ERBB4: variants seen among roughly 807,000 people sequenced by gnomAD.
ERBB4 encodes the protein erb-b2 receptor tyrosine kinase 4, also known as receptor tyrosine-protein kinase erbB-4.
ERBB4 carries 42 observed loss-of-function variants against 158.0 expected under a neutral mutation model. That is an observed-to-expected ratio of 0.27 (90% CI 0.21 to 0.34). The LOEUF (loss-of-function observed/expected upper bound fraction) is 0.34, where lower values mean the gene tolerates loss of function less well. ERBB4 is among the 10% of genes least tolerant of loss of function. The probability of loss-of-function intolerance (pLI) is 1.00; values close to 1 mark genes in which losing one functional copy is unlikely to be tolerated. For missense variants in ERBB4, 1,333 were observed against 1,624.1 expected (o/e 0.82, Z 3.08); for synonymous variants, 583 against 558.7 (o/e 1.04, Z -0.61).
chr2:211,802,384 C>T (rs1438704164), intron 3 of ERBB4, among the ~76,000 whole-genome samples: 1 of 152,084 alleles, frequency 6.6e-6, no homozygotes, highest in Non-Finnish European at 1.5e-5. Flanking sequence ...CAATTAATGA[C>T]ATCACAAGAA....
At chr2:212,212,022 T>C (rs988230149) in intron 1 of ERBB4, among the ~76,000 whole-genome samples, 3 of 152,154 alleles carry the variant, frequency 2.0e-5, no homozygotes, top group Admixed American at 1.3e-4. Flanking sequence ...GCAATAAACA[T>C]ACATGTGCAT....
chr2:212,101,402 G>GT (rs1317754227), intron 2 of ERBB4, among the ~76,000 whole-genome samples: 1 of 136,902 alleles, frequency 7.3e-6, no homozygotes, highest in Non-Finnish European at 1.6e-5. Context: ...ACATAGAAAA[G>GT]ACAAAATTTT....
At chr2:211,571,072 C>G (rs1283265241) in intron 19 of ERBB4, among the ~76,000 whole-genome samples, 1 of 105,406 alleles carries the variant, frequency 9.5e-6, no homozygotes, top group Non-Finnish European at 1.7e-5. Flanking sequence ...GAGACGGAGT[C>G]TTGCTCTGTC....
chr2:212,401,589 T>G (rs890599922), intron 1 of ERBB4, among the ~76,000 whole-genome samples: 6 of 152,120 alleles, frequency 3.9e-5, no homozygotes, highest in African/African-American at 1.4e-4. Flanking sequence ...AATAAATAAA[T>G]GAAATAAGCT....
chr2:211,626,460 A>T (rs1408349368), intron 17 of ERBB4, among the ~76,000 whole-genome samples: 2 of 152,176 alleles, frequency 1.3e-5, no homozygotes, highest in Admixed American at 6.5e-5. Context: ...TTCAGTATTT[A>T]AAGATTTAAA....
intron 20 of ERBB4, among the ~76,000 whole-genome samples, chr2:211,436,104 G>A (rs1421563289): frequency 6.6e-6 from 1 of 152,132 alleles, no homozygotes; most frequent in African/African-American, 2.4e-5. Flanking sequence ...TTACAGGCAT[G>A]AGCCACTGCA....
Position 212,200,489 on chromosome 2 carries a change from TATTA to T in ERBB4, c.83-75590_83-75587del, listed in dbSNP as rs201566333. 4.7e-3 allele frequency among the ~76,000 whole-genome samples: 714 copies of T among 152,282 alleles called. 18 individuals are homozygous for T. Among genetic ancestry groups the T allele is most frequent in the Admixed American group, 0.043 (662 of 15,290 alleles). ...TCAGTACTACTTAACAGGAAAGCTGTATTAATTAAAGTTAAGCACTCATAGTATT... is the reference window on the plus strand; with the variant it reads ...TCAGTACTACTTAACAGGAAAGCTGTATTAAAGTTAAGCACTCATAGTATT... On this transcript the variant is annotated intron_variant, in intron 1 of 27. Transcript: ENST00000342788.
At chr2:211,640,740 G>C (rs1233074169) in intron 16 of ERBB4, among the ~76,000 whole-genome samples, 1 of 152,170 alleles carries the variant, frequency 6.6e-6, no homozygotes, top group Admixed American at 6.6e-5. Flanking sequence ...TAGTTTAGCT[G>C]ACTGTTTTAA....
intron 1 of ERBB4, among the ~76,000 whole-genome samples, chr2:212,252,392 G>A (rs1217722461): frequency 1.3e-5 from 2 of 152,020 alleles, no homozygotes; most frequent in Non-Finnish European, 2.9e-5. Flanking sequence ...TCAAAAAGAA[G>A]AGAATGACCG....
At chr2:211,641,062 T>G (rs1228882842) in intron 16 of ERBB4, among the ~76,000 whole-genome samples, 1 of 152,210 alleles carries the variant, frequency 6.6e-6, no homozygotes, top group African/African-American at 2.4e-5. Flanking sequence ...TACAATTTCT[T>G]TACATATTTG....
intron 1 of ERBB4, among the ~76,000 whole-genome samples, chr2:212,258,083 CTATT>C (rs1160999338): frequency 1.3e-5 from 2 of 152,102 alleles, no homozygotes; most frequent in South Asian, 2.1e-4. Flanking sequence ...GTGTACAAAA[CTATT>C]TATAGGAATG....
At chr2:212,090,435 G>T (rs1238698997) in intron 2 of ERBB4, among the ~76,000 whole-genome samples, 1 of 152,038 alleles carries the variant, frequency 6.6e-6, no homozygotes, top group Non-Finnish European at 1.5e-5. Context: ...AACTGTTTCA[G>T]TCTTTAATAT....
intron 1 of ERBB4, among the ~76,000 whole-genome samples, chr2:212,350,558 A>T (rs2089208775): frequency 6.6e-6 from 1 of 152,198 alleles, no homozygotes; most frequent in Non-Finnish European, 1.5e-5. Flanking sequence ...TAAGACAAAG[A>T]CATTAAGATT....
intron 20 of ERBB4, among the ~76,000 whole-genome samples, chr2:211,540,188 T>TTATATATATATATA (rs571359851): frequency 2.1e-5 from 3 of 143,916 alleles, no homozygotes; most frequent in African/African-American, 7.5e-5. Context: ...CCTACATGAT[T>TTATATATATATATA]TATATATATA....
chr2:212,459,216 G>C (rs1688454576), intron 1 of ERBB4, among the ~76,000 whole-genome samples: 2 of 151,588 alleles, frequency 1.3e-5, no homozygotes, highest in Non-Finnish European at 2.9e-5. Context: ...TTATTTTATA[G>C]TATTAGATGT....
intron 25 of ERBB4, among the ~76,000 whole-genome samples, chr2:211,418,111 T>TATCA (rs2063434079): frequency 1.3e-5 from 2 of 152,080 alleles, no homozygotes; most frequent in African/African-American, 4.8e-5. Context: ...TTTCAAAGTC[T>TATCA]ATCACATATG....
intron 1 of ERBB4, among the ~76,000 whole-genome samples, chr2:212,247,632 T>C (rs191225490): frequency 2.7e-3 from 408 of 152,308 alleles, no homozygotes; most frequent in Non-Finnish European, 3.6e-3. Context: ...AACTAGTTTG[T>C]TTTCTCATTT....
chr2:212,127,396 T>G (rs1232611050), intron 1 of ERBB4, among the ~76,000 whole-genome samples: 1 of 152,108 alleles, frequency 6.6e-6, no homozygotes, highest in Non-Finnish European at 1.5e-5. Context: ...ATCGAGACCA[T>G]CCTGGTCAAC....
intron 2 of ERBB4, among the ~76,000 whole-genome samples, chr2:211,971,719 T>C (rs1269608384): frequency 1.3e-5 from 2 of 152,316 alleles, no homozygotes; most frequent in African/African-American, 2.4e-5. Context: ...GTAGGCTTCA[T>C]TTCCAGGAAA....
Sources: gnomAD v4.1 joint callset for allele counts (sites outside exome capture counted in the v4.1 genomes callset) on GRCh38, gnomAD v4.1.1 for gene constraint, MANE v1.5 for transcripts, NCBI Gene and HGNC (gene_info 2026-07-23, HGNC 2026-07-21) for gene names.